Variants in PATJ observed in about 807,000 individuals in gnomAD.
PATJ encodes the protein inaD-like protein.
PATJ carries 190 observed loss-of-function variants against 224.9 expected under a neutral mutation model. The observed-to-expected ratio is 0.84, with a 90% confidence interval of 0.75 to 0.95. The LOEUF (loss-of-function observed/expected upper bound fraction) is 0.95. Ranked by LOEUF, PATJ falls within the 40% of genes least tolerant of loss-of-function variation. PATJ has a pLI of 0.00. For synonymous variants in PATJ, 769 were observed against 820.3 expected, an observed-to-expected ratio of 0.94 and a Z score of 1.07; for missense variants, 2,121 against 2,270.3, an observed-to-expected ratio of 0.93 and a Z score of 1.34.
intron 33 of PATJ, chr1:62,100,222 C>T (rs1385900050): frequency 4.2e-5 from 23 of 550,466 alleles, no homozygotes; most frequent in South Asian, 1.4e-4. Flanking sequence ...ATTATTTTAC[C>T]ATCAGAAGCT....
At chr1:61,943,227 T>C (rs1678088363) in intron 27 of PATJ, among the ~76,000 whole-genome samples, 1 of 152,154 alleles carries the variant, frequency 6.6e-6, no homozygotes, top group Non-Finnish European at 1.5e-5. Context: ...CATTTCCAAC[T>C]GTGGTACCGG....
intron 31 of PATJ, among the ~76,000 whole-genome samples, chr1:62,074,422 C>G (rs1486240756): frequency 6.6e-6 from 1 of 151,498 alleles, no homozygotes; most frequent in Non-Finnish European, 1.5e-5. Flanking sequence ...TTCAGTTCAA[C>G]TGAAAACCTT....
chr1:61,940,499 G>A (rs945981495), intron 27 of PATJ, among the ~76,000 whole-genome samples: 2 of 152,016 alleles, frequency 1.3e-5, no homozygotes, highest in Non-Finnish European at 2.9e-5. Context: ...GGCGGATCAC[G>A]AGGTCAAGAG....
intron 17 of PATJ, among the ~76,000 whole-genome samples, chr1:61,851,856 T>C (rs1350599731): frequency 6.6e-6 from 1 of 151,894 alleles, no homozygotes. Flanking sequence ...TGACATGCCT[T>C]AGTGAGCAAC....
chr1:61,841,807 G>T (rs1313920211), intron 17 of PATJ, among the ~76,000 whole-genome samples: 1 of 151,962 alleles, frequency 6.6e-6, no homozygotes, highest in Non-Finnish European at 1.5e-5. Flanking sequence ...GCTACTTTTT[G>T]CCCATCCCTG....
At chr1:61,805,328 A>T in intron 12 of PATJ, 120 bp from the exon 13 acceptor site, 2 of 640,512 alleles carry the variant, frequency 3.1e-6, no homozygotes, top group East Asian at 5.3e-5. Context: ...TTTCCTTTTT[A>T]TTCATTTCCC....
chr1:62,153,238 T>G, intron 42 of PATJ, 120 bp from the exon 43 acceptor site: 1 of 731,140 alleles, frequency 1.4e-6, no homozygotes. Context: ...TTTGATCTGA[T>G]AAACCAAACT....
At chr1:61,758,587 T>G (rs955895881) in intron 1 of PATJ, among the ~76,000 whole-genome samples, 1 of 152,164 alleles carries the variant, frequency 6.6e-6, no homozygotes, top group African/African-American at 2.4e-5. Context: ...TCTCAAGTGA[T>G]CCGCCCACCT....
intron 22 of PATJ, among the ~76,000 whole-genome samples, chr1:61,890,670 T>A (rs1553193618): frequency 1.3e-5 from 2 of 151,980 alleles, no homozygotes; most frequent in Non-Finnish European, 2.9e-5. Flanking sequence ...CTAATTTTTT[T>A]ATTTTCTGTA....
intron 35 of PATJ, 130 bp from the exon 36 acceptor site, chr1:62,116,402 A>G (rs1664444826): frequency 5.4e-6 from 6 of 1,112,164 alleles, no homozygotes; most frequent in Non-Finnish European, 7.5e-6. Context: ...AAGGTATGAA[A>G]GAAACAAAAA....
intron 14 of PATJ, among the ~76,000 whole-genome samples, chr1:61,817,211 C>G (rs1656285748): frequency 6.6e-6 from 1 of 152,104 alleles, no homozygotes; most frequent in Non-Finnish European, 1.5e-5. Flanking sequence ...ATCAAAAATT[C>G]AGATATATCA....
intron 21 of PATJ, among the ~76,000 whole-genome samples, chr1:61,876,305 G>A (rs1436139135): frequency 6.6e-6 from 1 of 152,088 alleles, no homozygotes; most frequent in African/African-American, 2.4e-5. Context: ...TCTAAGATTA[G>A]ATGAATCTAC....
chr1:62,103,640 G>A (rs1662506795), intron 33 of PATJ, among the ~76,000 whole-genome samples: 1 of 151,988 alleles, frequency 6.6e-6, no homozygotes, highest in African/African-American at 2.4e-5. Context: ...TGTAGTCCCA[G>A]CTACATGGGA....
In PATJ at chr1:61,914,632, C is replaced by G. The variant is rs1399248906; in HGVS notation, c.3538C>G (p.Gln1180Glu). The G allele has an allele frequency of 1.9e-6, 3 of 1,581,240 alleles. No homozygotes were observed. The South Asian group carries it at 3.3e-5, about 18-fold the overall frequency. ...CAAGGCCAACAAAATCACCGGTAAC[C>G]AGAACCAGGACACCCAAGAAAAGAA... ...HNKANKITGN[Q>E]NQDTQEKKEK... The change falls in exon 26 of 44, where the codon CAG (glutamine) becomes GAG (glutamate). Residue 1180 changes from glutamine to glutamate, a missense_variant. Gln to Glu is a conservative substitution (Grantham distance 29). Transcript: ENST00000642238.
chr1:61,867,549 T>TAAAA (rs10645291), intron 20 of PATJ, among the ~76,000 whole-genome samples: 1 of 151,264 alleles, frequency 6.6e-6, no homozygotes, highest in African/African-American at 2.4e-5. Flanking sequence ...GAAGTTTACT[T>TAAAA]ATTCATATTT....
intron 41 of PATJ, among the ~76,000 whole-genome samples, chr1:62,129,205 T>C (rs1666032009): frequency 6.6e-6 from 1 of 152,242 alleles, no homozygotes; most frequent in Non-Finnish European, 1.5e-5. Context: ...ACACAGCTTT[T>C]AGTTTCCAGT....
chr1:61,922,163 C>T (rs1311020898), intron 26 of PATJ, among the ~76,000 whole-genome samples: 1 of 152,120 alleles, frequency 6.6e-6, no homozygotes, highest in Non-Finnish European at 1.5e-5. Flanking sequence ...CTGCCTCAGA[C>T]TCCTAAATAG....
chr1:61,808,253 A>G (rs556930588), intron 13 of PATJ, among the ~76,000 whole-genome samples: 1 of 152,312 alleles, frequency 6.6e-6, no homozygotes, highest in African/African-American at 2.4e-5. Flanking sequence ...CAATTTATGT[A>G]ATTTAGGAAA....
chr1:62,032,266 G>A (rs79506725), intron 29 of PATJ, among the ~76,000 whole-genome samples: 3,184 of 152,272 alleles, frequency 0.021, 87 homozygotes, highest in African/African-American at 0.067. Context: ...TTGTCAGGAA[G>A]CCCCCTCCAT....
Sources: allele counts gnomAD v4.1 joint callset (sites outside exome capture counted in the v4.1 genomes callset), GRCh38; gene constraint gnomAD v4.1.1; transcripts MANE v1.5; gene names NCBI Gene and HGNC (gene_info 2026-07-23, HGNC 2026-07-21).